RPRD2: variants seen among roughly 807,000 people sequenced by gnomAD.
RPRD2 encodes the protein regulation of nuclear pre-mRNA domain containing 2.
A neutral mutation model predicts 104.4 loss-of-function variants in RPRD2; 12 were observed. The ratio of observed to expected loss-of-function variants is 0.11; its 90% confidence interval spans 0.07 to 0.19. The LOEUF is 0.19. RPRD2 is among the 10% of genes least tolerant of loss of function. The pLI is 1.00. For synonymous variants in RPRD2, 714 were observed against 684.9 expected, an observed-to-expected ratio of 1.04 and a Z score of -0.66; for missense variants, 1,543 against 1,790.1, an observed-to-expected ratio of 0.86 and a Z score of 2.49.
chr1:150,368,954 T>C (rs1292225234), intron 1 of RPRD2, among the ~76,000 whole-genome samples: 1 of 152,182 alleles, frequency 6.6e-6, no homozygotes, highest in African/African-American at 2.4e-5. Context: ...CATCATCTTA[T>C]TTTCAGTATA....
intron 1 of RPRD2, among the ~76,000 whole-genome samples, chr1:150,412,054 C>G (rs1393578514): frequency 6.6e-6 from 1 of 151,942 alleles, no homozygotes; most frequent in Non-Finnish European, 1.5e-5. Flanking sequence ...ACCTGTGAGG[C>G]GAAGGTTGCA....
chr1:150,394,935 AG>A (rs1225751459), intron 1 of RPRD2, among the ~76,000 whole-genome samples: 1 of 152,216 alleles, frequency 6.6e-6, no homozygotes, highest in Non-Finnish European at 1.5e-5. Context: ...AACAAAACAA[AG>A]GTTTTATCAG....
At chr1:150,441,677 G>A (rs587598473) in intron 3 of RPRD2, 70 of 428,082 alleles carry the variant, frequency 1.6e-4, no homozygotes, top group African/African-American at 8.4e-4. Context: ...TGGTAATTTC[G>A]CTGATGATAA....
intron 2 of RPRD2, among the ~76,000 whole-genome samples, chr1:150,432,242 GCT>G (rs1422842867): frequency 6.6e-6 from 1 of 151,006 alleles, no homozygotes; most frequent in African/African-American, 2.4e-5. Context: ...ATGAAAACAT[GCT>G]GAAATAAGCC....
intron 2 of RPRD2, among the ~76,000 whole-genome samples, chr1:150,422,160 A>G (rs1238294669): frequency 8.5e-6 from 1 of 117,956 alleles, no homozygotes; most frequent in Non-Finnish European, 1.8e-5. Flanking sequence ...CCCCGTCTCT[A>G]CTAAAAACAC....
At chr1:150,384,865 G>A (rs587625167) in intron 1 of RPRD2, among the ~76,000 whole-genome samples, 34 of 152,152 alleles carry the variant, frequency 2.2e-4, no homozygotes, top group Middle Eastern at 6.8e-3. Flanking sequence ...TTAAAAGAAG[G>A]TAACTAGCTG....
chr1:150,471,806 G>T lies in RPRD2; in HGVS notation c.2858G>T (p.Gly953Val), dbSNP rs752259810. 3 of 1,613,662 alleles carry T rather than the reference G, an allele frequency of 1.9e-6. No homozygotes were observed. The highest frequency in any genetic ancestry group is 1.1e-5 in the South Asian group (1 of 91,058). Residue 953 changes from glycine (G) to valine (V), a missense_variant, in exon 11 of 11, where the codon GGG (glycine) becomes GTG (valine). Physicochemically the swap from Gly to Val is moderately radical, Grantham distance 109. This residue lies in a region of RPRD2 where 880 missense variants were observed against 885.6 expected (regional missense o/e 0.99). Transcript: ENST00000369068. The surrounding 1 kb of genome is among the most constrained non-coding windows in gnomAD (Gnocchi z 5.3). ...AATAGCTTGTCTCAATCTACCACTGGGCATCTCAGTTTGCCACAGAAGCAG... is the reference window on the plus strand; with the variant it reads ...AATAGCTTGTCTCAATCTACCACTGTGCATCTCAGTTTGCCACAGAAGCAG... ...NHNSLSQSTTGHLSLPQKQYP... is the reference protein window; with the variant it reads ...NHNSLSQSTTVHLSLPQKQYP...
chr1:150,378,752 G>A (rs1294404040), intron 1 of RPRD2, among the ~76,000 whole-genome samples: 2 of 152,070 alleles, frequency 1.3e-5, no homozygotes, highest in South Asian at 2.1e-4. Flanking sequence ...AGAGGCCAAG[G>A]CGGGTGGATC....
At chr1:150,387,911 C>CTTTTTTTTTTTTTTTTTTTTT (rs1224608397) in intron 1 of RPRD2, among the ~76,000 whole-genome samples, 1 of 116,966 alleles carries the variant, frequency 8.5e-6, no homozygotes, top group Non-Finnish European at 1.7e-5. Flanking sequence ...TTTTTCTTTT[C>CTTTTTTTTTTTTTTTTTTTTT]TCTTTTTTTT....
chr1:150,412,077 C>G (rs1663977147), intron 1 of RPRD2, among the ~76,000 whole-genome samples: 1 of 152,080 alleles, frequency 6.6e-6, no homozygotes, highest in African/African-American at 2.4e-5. Context: ...GAGCCGAAAT[C>G]ACACCACCGC....
intron 9 of RPRD2, 65 bp downstream of exon 9, chr1:150,460,382 T>C: frequency 6.9e-7 from 1 of 1,444,670 alleles, no homozygotes; most frequent in Non-Finnish European, 9.4e-7. Flanking sequence ...ATCATTAATC[T>C]GTTTTTGGGG....
intron 2 of RPRD2, among the ~76,000 whole-genome samples, chr1:150,430,452 G>A (rs1410574980): frequency 6.6e-6 from 1 of 152,056 alleles, no homozygotes; most frequent in Non-Finnish European, 1.5e-5. Flanking sequence ...AGAATCACTT[G>A]AGCCCAGGAG....
chr1:150,446,929 G>A (rs1262787160), intron 7 of RPRD2, among the ~76,000 whole-genome samples: 2 of 144,838 alleles, frequency 1.4e-5, no homozygotes, highest in Admixed American at 7.2e-5. Flanking sequence ...TCCGCCTCCC[G>A]GGTTCAAGCG....
chr1:150,454,723 C>CT (rs1553897243), intron 7 of RPRD2, among the ~76,000 whole-genome samples: 1 of 152,038 alleles, frequency 6.6e-6, no homozygotes, highest in African/African-American at 2.4e-5. Context: ...TGGTATGTGC[C>CT]TGTAGTCCCA....
At chr1:150,431,228 CAGTT>C (rs1665544800) in intron 2 of RPRD2, among the ~76,000 whole-genome samples, 1 of 152,064 alleles carries the variant, frequency 6.6e-6, no homozygotes, top group Non-Finnish European at 1.5e-5. Context: ...CTGTGGAAAA[CAGTT>C]TGGTGGTTCC....
At chr1:150,367,903 A>G (rs1307766848) in intron 1 of RPRD2, among the ~76,000 whole-genome samples, 6 of 151,806 alleles carry the variant, frequency 4.0e-5, no homozygotes, top group African/African-American at 1.5e-4. Flanking sequence ...TTGTATTTTT[A>G]GTAGAGACAG....
At chr1:150,421,688 T>G (rs1664766668) in intron 2 of RPRD2, among the ~76,000 whole-genome samples, 1 of 152,138 alleles carries the variant, frequency 6.6e-6, no homozygotes, top group Non-Finnish European at 1.5e-5. Context: ...AAATAAGAGC[T>G]TAATGCCAGG....
Position 150,472,555 on chromosome 1 carries a change from A to C in RPRD2, c.3607A>C (p.Thr1203Pro). Residue 1203 changes from threonine (T) to proline (P), a missense_variant, in exon 11 of 11, where the codon ACA (threonine) becomes CCA (proline). Coordinates refer to ENST00000369068, the MANE Select transcript of RPRD2 (RefSeq NM_015203.5). ...HLPPSPLEHG[T>P]PFQREPVGPS... ...TCCCCCATCCCCCTTGGAACATGGG[A>C]CACCCTTCCAGAGAGAGCCAGTGGG... The C allele has an allele frequency of 5.6e-6, 9 of 1,613,834 alleles. No homozygotes were observed. Among genetic ancestry groups the C allele is most frequent in the Non-Finnish European group, 6.8e-6 (8 of 1,179,836 alleles).
At chr1:150,453,326 T>TG (rs1560215372) in intron 7 of RPRD2, among the ~76,000 whole-genome samples, 2 of 152,148 alleles carry the variant, frequency 1.3e-5, no homozygotes, top group East Asian at 3.9e-4. Context: ...CCACCGCGCC[T>TG]GGCCTCAGTG....
Sources: allele counts gnomAD v4.1 joint callset (sites outside exome capture counted in the v4.1 genomes callset), GRCh38; gene constraint gnomAD v4.1.1; regional missense constraint gnomAD v4.1.1; non-coding constraint Gnocchi (gnomAD v3.1); transcripts MANE v1.5; gene names NCBI Gene and HGNC (gene_info 2026-07-23, HGNC 2026-07-21).